Variants in PER3 observed in about 807,000 individuals in gnomAD.
The protein encoded by PER3 is period circadian protein homolog 3.
A neutral mutation model predicts 127.2 loss-of-function variants in PER3; 107 were observed. The observed-to-expected ratio is 0.84, with a 90% confidence interval of 0.72 to 0.99. The LOEUF (loss-of-function observed/expected upper bound fraction) is 0.99, where lower values mean the gene tolerates loss of function less well. Among genes scored for constraint, PER3 ranks in the 50% least tolerant of loss-of-function variants. The probability of loss-of-function intolerance (pLI) is 0.00; values close to 1 mark genes in which losing one functional copy is unlikely to be tolerated. For synonymous variants in PER3, 618 were observed against 585.8 expected (o/e 1.05, Z -0.79); for missense variants, 1,560 against 1,525.8 (o/e 1.02, Z -0.37).
At chr1:7,819,207 T>A in intron 13 of PER3, 78 bp from the exon 14 acceptor site, 2 of 1,303,204 alleles carry the variant, frequency 1.5e-6, no homozygotes, top group Non-Finnish European at 1.1e-6. Context: ...GTGCCATGAT[T>A]TAATTTTGGT....
At chr1:7,831,382 T>C (rs1305722815) in intron 19 of PER3, among the ~76,000 whole-genome samples, 2 of 152,230 alleles carry the variant, frequency 1.3e-5, no homozygotes, top group African/African-American at 4.8e-5. Flanking sequence ...TTCTACATAG[T>C]CTTTATTATC....
Position 7,820,508 on chromosome 1 carries a change from A to G in PER3, c.1825A>G (p.Thr609Ala), listed in dbSNP as rs1189881528. The G allele has an allele frequency of 6.2e-7, 1 of 1,613,866 alleles. No homozygotes were observed. The highest frequency in any genetic ancestry group is 1.1e-5 in the South Asian group (1 of 90,952). ...IPAIPKSEMP[T>A]NGRSIDTGGG... ...AGCCATACCTAAATCAGAAATGCCA[A>G]CAAATGGACGGTCCATAGACACAGG... is the stretch of plus-strand genomic sequence containing the variant. Residue 609 changes from threonine (T) to alanine (A), a missense_variant, in exon 16 of 22, where the codon ACA becomes GCA. Coordinates refer to ENST00000377532, the MANE Select transcript of PER3 (RefSeq NM_001377275.1).
At position 7,789,435 on chromosome 1, in the gene PER3, T is replaced by G. The variant is rs535487651; in HGVS notation, c.592+1189T>G. Among the ~76,000 whole-genome samples, 19 of 152,304 alleles carry G rather than the reference T, an allele frequency of 1.2e-4. No individual in the cohort carries two copies. The East Asian group carries it at 1.3e-3, about 11-fold the overall frequency. The stretch of plus-strand genomic sequence containing the variant: ...AATGGGAGTTTCTCTGCACAAGCTC[T>G]CTCTCTTTGCCTGCTGCCGTCCATG... On this transcript the variant is annotated intron_variant, in intron 5 of 21. Transcript: ENST00000377532.
At position 7,784,917 on chromosome 1, in the gene PER3, G is replaced by T. The variant is rs748881040; in HGVS notation, c.40G>T (p.Ala14Ser). ...GEAPGPGRRG[A>S]KDEALGEESG... is the part of the protein sequence containing the mutation. ...AGCTCCTGGCCCCGGGAGACGGGGG[G>T]CTAAGGACGAGGCCCTGGGCGAAGA... The change falls in exon 2 of 22, where the codon GCT becomes TCT. Residue 14 changes from alanine to serine, a missense_variant. Physicochemically the swap from Ala to Ser is moderately conservative, Grantham distance 99. This residue lies in a region of PER3 where 1,332 missense variants were observed against 1,223.6 expected (regional missense o/e 1.09). Transcript: ENST00000377532. The T allele has an allele frequency of 6.5e-7, 1 of 1,529,636 alleles. No homozygotes were observed. The highest frequency in any genetic ancestry group is 2.6e-5 in the East Asian group (1 of 38,720). 94.8% of individuals were successfully genotyped at this position (1,529,636 alleles called of 1,614,324 possible).
In PER3 at chr1:7,835,817, C is replaced by T. The variant is rs747411093; in HGVS notation, c.3270C>T (p.Ser1090=). The T allele has an allele frequency of 6.2e-7, 1 of 1,612,552 alleles. No homozygotes were observed. Among genetic ancestry groups the T allele is most frequent in the East Asian group, 2.2e-5 (1 of 44,874 alleles). The change falls in exon 20 of 22, where the codon TCC becomes TCT. Residue 1090 remains serine (S), a synonymous_variant. Coordinates refer to ENST00000377532, the MANE Select transcript of PER3 (RefSeq NM_001377275.1). The stretch of plus-strand genomic sequence containing the variant: ...GTAGTGTTTATTCTTCTAAAATCTC[C>T]CAAAATGGGCAGCAATCTCAGGACG... The part of the protein sequence containing the change: ...LTSSVYSSKI[S]QNGQQSQDVQ...
At chr1:7,818,827 T>C (rs1408557651) in intron 13 of PER3, among the ~76,000 whole-genome samples, 1 of 152,188 alleles carries the variant, frequency 6.6e-6, no homozygotes, top group African/African-American at 2.4e-5. Context: ...TCACAGAAAG[T>C]TCTGTTGGAC....
In PER3 at chr1:7,844,187, C is replaced by T. The variant is rs228677; in HGVS notation, c.*1432C>T. On this transcript the variant is annotated 3_prime_UTR_variant, in exon 22 of 22. Transcript: ENST00000377532. Reference sequence around the variant, plus strand: ...TGATGACCATCCTCATAGCTCAGATCTCCTTTCAAAGTAGTGGCTTTCTGG... The same window carrying T: ...TGATGACCATCCTCATAGCTCAGATTTCCTTTCAAAGTAGTGGCTTTCTGG... The T allele has an allele frequency of 0.97, 182,547 of 189,116 alleles. 88,135 individuals are homozygous for T. The highest frequency in any genetic ancestry group is 1 in the East Asian group (5,916 of 5,924). The allele number at this position is 189,116 out of a possible 1,614,324, so 11.7% of individuals were successfully genotyped here.
At chr1:7,837,181 C>A in intron 21 of PER3, 32 bp downstream of exon 21, 2 of 1,587,550 alleles carry the variant, frequency 1.3e-6, no homozygotes, top group South Asian at 2.3e-5. Context: ...GTCATATACT[C>A]ATGTATTTTG....
rs77634791 is a variant in PER3 at position 7,790,561 on chromosome 1, C to G, written c.592+2315C>G. Among the ~76,000 whole-genome samples the G allele has an allele frequency of 6.8e-3, 1,035 of 152,230 alleles. 7 individuals carry two copies. Among genetic ancestry groups the G allele is most frequent in the African/African-American group, 0.017 (708 of 41,544 alleles). On this transcript the variant is annotated intron_variant, in intron 5 of 21. Coordinates refer to ENST00000377532, the MANE Select transcript of PER3 (RefSeq NM_001377275.1). ...AACCATATCATTCTGCTCTTAAGCC[C>G]TCCCAAATCTCACGTCCTCACATTT...
At chr1:7,800,553 C>A (rs144065836) in intron 7 of PER3, among the ~76,000 whole-genome samples, 139 of 152,154 alleles carry the variant, frequency 9.1e-4, no homozygotes, top group African/African-American at 3.1e-3. Flanking sequence ...AATTTTATTA[C>A]ACAAAGAATA....
At chr1:7,785,662 G>T in intron 3 of PER3, 76 bp downstream of exon 3, 2 of 1,260,638 alleles carry the variant, frequency 1.6e-6, no homozygotes, top group Non-Finnish European at 2.3e-6. Flanking sequence ...GTGGTCAGTG[G>T]GGTCTCAGTC....
At chr1:7,836,879 C>T in intron 20 of PER3, 120 bp from the exon 21 acceptor site, 2 of 641,724 alleles carry the variant, frequency 3.1e-6, no homozygotes, top group Non-Finnish European at 5.3e-6. Flanking sequence ...TAATGTATGC[C>T]TCATGTGTTA....
chr1:7,810,731 T>A, intron 13 of PER3, 143 bp downstream of exon 13: 1 of 622,368 alleles, frequency 1.6e-6, no homozygotes, highest in African/African-American at 1.8e-5. Context: ...ATAGCAATAG[T>A]AATAGCAATA....
chr1:7,788,915 A>AT (rs1372908386), intron 5 of PER3, among the ~76,000 whole-genome samples: 1 of 150,408 alleles, frequency 6.6e-6, no homozygotes, highest in African/African-American at 2.4e-5. Flanking sequence ...GGGAAAAAAA[A>AT]AAAAAAAAAT....
chr1:7,794,030 A>C (rs1461531036), intron 6 of PER3, 22 bp downstream of exon 6: 4 of 1,592,418 alleles, frequency 2.5e-6, no homozygotes, highest in Non-Finnish European at 3.4e-6. Flanking sequence ...GGCTCGTGGA[A>C]GCCAGCAACA....
rs779058060 is a variant in PER3, at chr1:7,843,950, C to G, written c.*1195C>G. 4 of 1,278,076 alleles carry G rather than the reference C, an allele frequency of 3.1e-6. No homozygotes were observed. The highest frequency in any genetic ancestry group is 3.1e-5 in the African/African-American group (2 of 64,430). 79.2% of individuals were successfully genotyped at this position (1,278,076 alleles called of 1,614,324 possible). ...TGGAATGATAGATGAAATTCACACCCCTGCAGATCAGAAAAAACAAATAGA... is the reference window on the plus strand; with the variant it reads ...TGGAATGATAGATGAAATTCACACCGCTGCAGATCAGAAAAAACAAATAGA... On this transcript the variant is annotated 3_prime_UTR_variant, in exon 22 of 22. Transcript: ENST00000377532.
In PER3 at chr1:7,842,521, TATAATA is replaced by T. The variant is rs1207721101; in HGVS notation, c.3550-143_3550-138del. ...TCTCAAAAAAAAAAATAAAAATAGT[TATAATA>T]ATAATAAAGAATGAACTATAATGAA... On this transcript the variant is annotated intron_variant, in intron 21 of 21. Coordinates refer to ENST00000377532, the MANE Select transcript of PER3 (RefSeq NM_001377275.1). 2.2e-5 allele frequency: 16 copies of T among 712,808 alleles called. No individual in the cohort carries two copies. The East Asian group carries it at 3.2e-4, about 14-fold the overall frequency. The allele number at this position is 712,808 out of a possible 1,614,324, so 44.2% of individuals were successfully genotyped here.
At chr1:7,829,544 A>G (rs1438172755) in intron 18 of PER3, among the ~76,000 whole-genome samples, 1 of 152,224 alleles carries the variant, frequency 6.6e-6, no homozygotes, top group Non-Finnish European at 1.5e-5. Context: ...ATACCACAGT[A>G]GATCTGATAA....
At chr1:7,798,784 C>T (rs1487189868) in intron 7 of PER3, 111 bp downstream of exon 7, 1 of 803,212 alleles carries the variant, frequency 1.2e-6, no homozygotes. Context: ...TCCAATTTGA[C>T]CCTTAAACTC....
Sources: gnomAD v4.1 joint callset for allele counts (sites outside exome capture counted in the v4.1 genomes callset) on GRCh38, gnomAD v4.1.1 for gene constraint, gnomAD v4.1.1 regional missense constraint, MANE v1.5 for transcripts, NCBI Gene and HGNC (gene_info 2026-07-23, HGNC 2026-07-21) for gene names.